RPIA: variants seen among roughly 807,000 people sequenced by gnomAD.
RPIA encodes ribose 5-phosphate isomerase A.
A neutral mutation model predicts 37.8 loss-of-function variants in RPIA; 29 were observed. That is an observed-to-expected ratio of 0.77 (90% CI 0.57 to 1.05). The LOEUF is 1.05. RPIA is among the 50% of genes least tolerant of loss of function. The pLI, the probability that RPIA is intolerant of heterozygous loss-of-function variation, is 0.00. For missense variants in RPIA, 385 were observed against 413.6 expected (o/e 0.93, Z 0.60); for synonymous variants, 167 against 157.0 (o/e 1.06, Z -0.48).
chr2:88,718,338 A>C (rs1460547576), intron 3 of RPIA, among the ~76,000 whole-genome samples: 1 of 151,368 alleles, frequency 6.6e-6, no homozygotes, highest in Non-Finnish European at 1.5e-5. Flanking sequence ...AGCAAGAATA[A>C]TAATTACTTT....
At chr2:88,723,619 T>C (rs1673160695) in intron 3 of RPIA, among the ~76,000 whole-genome samples, 1 of 152,086 alleles carries the variant, frequency 6.6e-6, no homozygotes, top group Non-Finnish European at 1.5e-5. Context: ...ACTGATAGAT[T>C]TGTCAAAGGT....
intron 3 of RPIA, among the ~76,000 whole-genome samples, chr2:88,701,346 G>A (rs1672829059): frequency 6.6e-6 from 1 of 150,632 alleles, no homozygotes; most frequent in African/African-American, 2.4e-5. Context: ...GAAAAGCTAA[G>A]TATCTAATTT....
intron 3 of RPIA, among the ~76,000 whole-genome samples, chr2:88,709,728 G>T (rs1234030245): frequency 2.0e-5 from 3 of 152,070 alleles, no homozygotes; most frequent in Non-Finnish European, 4.4e-5. Flanking sequence ...ACTTGGAGTT[G>T]TTTTTCAATG....
rs138228318 is a variant in RPIA, at chr2:88,736,868, G to T, written c.738+192G>T. Among the ~76,000 whole-genome samples the T allele has an allele frequency of 1.1e-4, 17 of 152,252 alleles. No individual in the cohort carries two copies. The East Asian group carries it at 3.1e-3, about 28-fold the overall frequency. On this transcript the variant is annotated intron_variant, in intron 7 of 8. Coordinates refer to ENST00000283646, the MANE Select transcript of RPIA (RefSeq NM_144563.3). ...TCTGCATTCAAACTCGTGTAGACAA[G>T]ACCACACTTAATACAGTGCATCTCC... is the stretch of plus-strand genomic sequence containing the variant.
At position 88,742,732 on chromosome 2, in the gene RPIA, G is replaced by A. The variant is rs142368238; in HGVS notation, c.838+4656G>A. Among the ~76,000 whole-genome samples the A allele has an allele frequency of 1.7e-3, 262 of 152,198 alleles. 1 individual carries two copies. The highest frequency in any genetic ancestry group is 5.9e-3 in the African/African-American group (245 of 41,530). ...CTGTGGTTTTTTTCAGCAGTATTTT[G>A]TAGTTTTCCTTGTAGAGATCTTTCA... is the stretch of plus-strand genomic sequence containing the variant. On this transcript the variant is annotated intron_variant, in intron 8 of 8. Coordinates refer to ENST00000283646, the MANE Select transcript of RPIA (RefSeq NM_144563.3).
intron 8 of RPIA, among the ~76,000 whole-genome samples, chr2:88,749,173 G>GT (rs1239351463): frequency 6.6e-6 from 1 of 152,174 alleles, no homozygotes; most frequent in African/African-American, 2.4e-5. Context: ...GAATTGCTGA[G>GT]TGGTTAGGTG....
chr2:88,712,490 A>AT (rs562200595), intron 3 of RPIA, among the ~76,000 whole-genome samples: 109 of 152,258 alleles, frequency 7.2e-4, no homozygotes, highest in African/African-American at 2.5e-3. Context: ...GAAGATGAAC[A>AT]TTTGCTTATT....
intron 3 of RPIA, among the ~76,000 whole-genome samples, chr2:88,713,122 T>TA (rs60868319): frequency 0.057 from 2,386 of 42,218 alleles, 11 homozygotes; most frequent in South Asian, 0.066. Flanking sequence ...ATATATATAT[T>TA]TTTTTTTTTT....
intron 4 of RPIA, 25 bp downstream of exon 4, chr2:88,729,362 C>A: frequency 6.2e-7 from 1 of 1,608,170 alleles, no homozygotes; most frequent in Non-Finnish European, 8.5e-7. Context: ...CAGAGGCAGA[C>A]CACTGCGTAT....
At chr2:88,720,727 G>C (rs1036245579) in intron 3 of RPIA, among the ~76,000 whole-genome samples, 14 of 152,150 alleles carry the variant, frequency 9.2e-5, no homozygotes, top group Non-Finnish European at 1.9e-4. Context: ...AGATGCTGGA[G>C]AGGATGTGGA....
chr2:88,713,886 G>T (rs1354717572), intron 3 of RPIA, among the ~76,000 whole-genome samples: 2 of 150,182 alleles, frequency 1.3e-5, no homozygotes, highest in African/African-American at 4.9e-5. Context: ...TTTCGTAGTA[G>T]GATCTTGTTC....
chr2:88,722,188 ATC>A (rs1171336057), intron 3 of RPIA, among the ~76,000 whole-genome samples: 1 of 151,752 alleles, frequency 6.6e-6, no homozygotes, highest in Non-Finnish European at 1.5e-5. Context: ...CTTTCTTTAC[ATC>A]TCTCTTATTT....
At chr2:88,721,567 ACACACCC>A (rs1459592337) in intron 3 of RPIA, among the ~76,000 whole-genome samples, 6 of 58,064 alleles carry the variant, frequency 1.0e-4, no homozygotes, top group African/African-American at 3.6e-4. Context: ...ACACACACAC[ACACACCC>A]CCCCCCCCAC....
chr2:88,710,832 G>C (rs1672952590), intron 3 of RPIA, among the ~76,000 whole-genome samples: 2 of 152,192 alleles, frequency 1.3e-5, no homozygotes, highest in South Asian at 2.1e-4. Flanking sequence ...AATGTGTTCA[G>C]GGTCAAAAAT....
At chr2:88,706,847 C>T (rs2104086357) in intron 3 of RPIA, among the ~76,000 whole-genome samples, 1 of 152,240 alleles carries the variant, frequency 6.6e-6, no homozygotes, top group African/African-American at 2.4e-5. Flanking sequence ...CTTTCAACTC[C>T]CCATTGGGAA....
chr2:88,726,075 G>A (rs867038067), intron 3 of RPIA, among the ~76,000 whole-genome samples: 6 of 152,176 alleles, frequency 3.9e-5, no homozygotes, highest in Non-Finnish European at 7.4e-5. Flanking sequence ...GGGAAGATGG[G>A]AGAGTCTCAG....
intron 3 of RPIA, among the ~76,000 whole-genome samples, chr2:88,722,205 G>A (rs1558695170): frequency 6.6e-6 from 1 of 151,066 alleles, no homozygotes; most frequent in Non-Finnish European, 1.5e-5. Flanking sequence ...TTATTTTGTG[G>A]TTCCTTTTAC....
At chr2:88,713,000 C>T (rs981084126) in intron 3 of RPIA, among the ~76,000 whole-genome samples, 9 of 151,046 alleles carry the variant, frequency 6.0e-5, no homozygotes, top group Non-Finnish European at 1.2e-4. Context: ...TCCCAAGTAG[C>T]TGGGAGTACA....
intron 1 of RPIA, among the ~76,000 whole-genome samples, chr2:88,695,214 A>C (rs1452713310): frequency 6.6e-6 from 1 of 151,408 alleles, no homozygotes; most frequent in Non-Finnish European, 1.5e-5. Flanking sequence ...CCACTCTAGC[A>C]AGTTAATCAA....
Sources: allele counts gnomAD v4.1 joint callset (sites outside exome capture counted in the v4.1 genomes callset), GRCh38; gene constraint gnomAD v4.1.1; transcripts MANE v1.5; gene names NCBI Gene and HGNC (gene_info 2026-07-23, HGNC 2026-07-21).